The following THRB variants were observed in gnomAD, a reference collection of about 807,000 sequenced individuals.
THRB encodes nuclear receptor subfamily 1 group A member 2.
A neutral mutation model predicts 47.8 loss-of-function variants in THRB; 12 were observed. The observed-to-expected ratio is 0.25, with a 90% CI of 0.16 to 0.41. THRB has a LOEUF of 0.41. Ranked by LOEUF, THRB falls within the 10% of genes least tolerant of loss-of-function variation. The pLI is 1.00. For synonymous variants in THRB, 218 were observed against 212.2 expected, an observed-to-expected ratio of 1.03 and a Z score of -0.24; for missense variants, 348 against 589.2, an observed-to-expected ratio of 0.59 and a Z score of 4.24.
chr3:24,200,043 T>A (rs542973563), intron 4 of THRB, among the ~76,000 whole-genome samples: 2 of 152,188 alleles, frequency 1.3e-5, no homozygotes, highest in Non-Finnish European at 2.9e-5. Context: ...AGTCCTTAGG[T>A]TGGATGACTC....
chr3:24,200,656 C>A (rs1311835878), intron 4 of THRB, among the ~76,000 whole-genome samples: 2 of 152,116 alleles, frequency 1.3e-5, no homozygotes, highest in African/African-American at 4.8e-5. Flanking sequence ...CCAGGTGAGA[C>A]TAATTTTCAA....
At chr3:24,287,507 C>A (rs1374849653) in intron 3 of THRB, among the ~76,000 whole-genome samples, 1 of 152,084 alleles carries the variant, frequency 6.6e-6, no homozygotes, top group African/African-American at 2.4e-5. Flanking sequence ...AGGCCACTGT[C>A]CTTTAGTTTG....
intron 8 of THRB, among the ~76,000 whole-genome samples, chr3:24,133,824 A>G (rs2034239766): frequency 1.3e-5 from 2 of 152,180 alleles, no homozygotes; most frequent in South Asian, 2.1e-4. Context: ...TGGCATTTTC[A>G]GAGCACTGCA....
intron 6 of THRB, among the ~76,000 whole-genome samples, chr3:24,150,165 A>G (rs2036690537): frequency 6.6e-6 from 1 of 152,218 alleles, no homozygotes; most frequent in Non-Finnish European, 1.5e-5. Context: ...AACAGACATG[A>G]CATCTCCAAA....
chr3:24,352,599 T>C (rs1472546044), intron 1 of THRB, among the ~76,000 whole-genome samples: 3 of 152,174 alleles, frequency 2.0e-5, no homozygotes, highest in Admixed American at 1.3e-4. Flanking sequence ...ACCGGGGTGG[T>C]TGGTTTTAAA....
intron 1 of THRB, among the ~76,000 whole-genome samples, chr3:24,356,422 T>TA (rs2063675196): frequency 6.6e-6 from 1 of 152,144 alleles, no homozygotes; most frequent in Admixed American, 6.6e-5. Flanking sequence ...TTCTTAAGAA[T>TA]AGTACATGCT....
intron 10 of THRB, among the ~76,000 whole-genome samples, chr3:24,126,891 G>A (rs191576664): frequency 5.9e-5 from 9 of 152,246 alleles, no homozygotes; most frequent in East Asian, 5.8e-4. Flanking sequence ...TTCTGTTTTC[G>A]TGTGCTTGGG....
chr3:24,333,303 A>T (rs2062039955), intron 2 of THRB, among the ~76,000 whole-genome samples: 1 of 152,244 alleles, frequency 6.6e-6, no homozygotes, highest in African/African-American at 2.4e-5. Flanking sequence ...CACATGTTAC[A>T]TTAGCCACTT....
chr3:24,349,522 CCAAAGAGAGTA>C (rs1467953809), intron 1 of THRB, among the ~76,000 whole-genome samples: 1 of 151,918 alleles, frequency 6.6e-6, no homozygotes, highest in Admixed American at 6.6e-5. Flanking sequence ...CACAAGAGCT[CCAAAGAGAGTA>C]CAAAAACAGA....
chr3:24,337,999 A>T (rs1356607954), intron 1 of THRB, among the ~76,000 whole-genome samples: 1 of 152,244 alleles, frequency 6.6e-6, no homozygotes, highest in Non-Finnish European at 1.5e-5. Context: ...GCCATGCCGC[A>T]GAGGATGTCG....
intron 3 of THRB, among the ~76,000 whole-genome samples, chr3:24,255,015 C>T (rs567366906): frequency 2.7e-4 from 41 of 152,144 alleles, no homozygotes; most frequent in African/African-American, 9.9e-4. Context: ...TATTGTATTC[C>T]CATAGAAATA....
chr3:24,165,230 T>G (rs2039481192), intron 5 of THRB: 1 of 765,024 alleles, frequency 1.3e-6, no homozygotes. Context: ...GGGCACAGCC[T>G]GAGCATCGCA....
chr3:24,342,018 A>C (rs921704637), intron 1 of THRB, among the ~76,000 whole-genome samples: 1 of 152,014 alleles, frequency 6.6e-6, no homozygotes, highest in African/African-American at 2.4e-5. Context: ...CACCCAGCCA[A>C]CTCTCATACT....
At chr3:24,375,103 AGCT>A (rs1308239010) in intron 1 of THRB, among the ~76,000 whole-genome samples, 3 of 151,746 alleles carry the variant, frequency 2.0e-5, no homozygotes, top group Non-Finnish European at 4.4e-5. Flanking sequence ...CTTTTATAAA[AGCT>A]CAGGTTTTAT....
intron 5 of THRB, among the ~76,000 whole-genome samples, chr3:24,188,443 A>G (rs931686609): frequency 6.6e-6 from 1 of 152,192 alleles, no homozygotes; most frequent in Non-Finnish European, 1.5e-5. Flanking sequence ...TCTACTAAGC[A>G]TCTTGTATTC....
At chr3:24,292,044 T>A (rs2055975960) in intron 3 of THRB, among the ~76,000 whole-genome samples, 1 of 152,122 alleles carries the variant, frequency 6.6e-6, no homozygotes, top group Non-Finnish European at 1.5e-5. Flanking sequence ...ATGTGGCTGT[T>A]GAGAAAAAAG....
At chr3:24,214,277 A>T (rs1224803255) in intron 4 of THRB, among the ~76,000 whole-genome samples, 1 of 152,144 alleles carries the variant, frequency 6.6e-6, no homozygotes, top group African/African-American at 2.4e-5. Context: ...TGGAGTCAAG[A>T]TGGTATGTAC....
chr3:24,271,813 C>A (rs1414255182), intron 3 of THRB, among the ~76,000 whole-genome samples: 1 of 151,932 alleles, frequency 6.6e-6, no homozygotes, highest in Non-Finnish European at 1.5e-5. Context: ...ATTTAATAGT[C>A]AGAGTACAGG....
intron 4 of THRB, among the ~76,000 whole-genome samples, chr3:24,200,322 C>CT (rs2044443598): frequency 6.6e-6 from 1 of 152,294 alleles, no homozygotes; most frequent in African/African-American, 2.4e-5. Context: ...TGAAATACCC[C>CT]TTTTCAGGGT....
Sources: allele counts gnomAD v4.1 joint callset (sites outside exome capture counted in the v4.1 genomes callset), GRCh38; gene constraint gnomAD v4.1.1; transcripts MANE v1.5; gene names NCBI Gene and HGNC (gene_info 2026-07-23, HGNC 2026-07-21).